Variants in ENPP2 observed in about 807,000 individuals in gnomAD.
ENPP2 encodes the protein autotaxin.
A neutral mutation model predicts 120.2 loss-of-function variants in ENPP2; 51 were observed. The observed-to-expected ratio is 0.42, with a 90% CI of 0.34 to 0.54. ENPP2 has a LOEUF of 0.54. ENPP2 is among the 20% of genes least tolerant of loss of function. The pLI is 0.04. For synonymous variants in ENPP2, 365 were observed against 366.4 expected (o/e 1.00, Z 0.04); for missense variants, 920 against 1,066.5 (o/e 0.86, Z 1.91).
chr8:119,644,586 A>AT (rs1817374358), intron 1 of ENPP2, among the ~76,000 whole-genome samples: 1 of 83,328 alleles, frequency 1.2e-5, no homozygotes, highest in Non-Finnish European at 2.3e-5. Flanking sequence ...GAGATTACTA[A>AT]AATATATATA....
chr8:119,626,566 T>G lies in ENPP2; in HGVS notation c.291A>C (p.Thr97=), dbSNP rs749541517. 2 of 1,613,586 alleles carry G rather than the reference T, an allele frequency of 1.2e-6. No individual in the cohort carries two copies. Among genetic ancestry groups the G allele is most frequent in the Admixed American group, 3.3e-5 (2 of 60,004 alleles). Residue 97 remains threonine (T), a splice_region_variant and synonymous_variant, in exon 3 of 25, where the codon ACA becomes ACC. Coordinates refer to ENST00000075322, the MANE Select transcript of ENPP2 (RefSeq NM_001040092.3). ...AGAGAGGACTCATAAGTTACGTACC[T>G]GTCTTCAAACACAGCTCATCAAAGT... ...CHDFDELCLK[T]ARGWECTKDR... is the part of the protein sequence containing the mutation.
chr8:119,568,813 C>T (rs1244566670), intron 21 of ENPP2, among the ~76,000 whole-genome samples: 1 of 152,092 alleles, frequency 6.6e-6, no homozygotes, highest in African/African-American at 2.4e-5. Flanking sequence ...TGTCCAGGCT[C>T]ATCTCGAACT....
intron 20 of ENPP2, among the ~76,000 whole-genome samples, chr8:119,570,311 G>T (rs1814859367): frequency 6.7e-6 from 1 of 149,352 alleles, no homozygotes; most frequent in African/African-American, 2.5e-5. Flanking sequence ...GATAGTGGGG[G>T]AGGTTGAAGG....
intron 11 of ENPP2, among the ~76,000 whole-genome samples, chr8:119,598,052 T>C (rs1272843846): frequency 2.0e-5 from 3 of 152,198 alleles, no homozygotes; most frequent in Admixed American, 6.5e-5. Flanking sequence ...GTATAATAAG[T>C]GTAAATGATG....
Position 119,657,743 on chromosome 8 carries a change from T to C in ENPP2, c.21+15509A>G, listed in dbSNP as rs74463497. Among the ~76,000 whole-genome samples, 1,040 of 152,304 alleles carry C rather than the reference T, an allele frequency of 6.8e-3. 7 individuals carry two copies. Among genetic ancestry groups the C allele is most frequent in the African/African-American group, 0.024 (1,006 of 41,556 alleles). ...TGTGTTTGTCTAGGAATGAAAGGAATCAACAAGTGGGATGTACATGCCCTG... is the reference window on the plus strand; with the variant it reads ...TGTGTTTGTCTAGGAATGAAAGGAACCAACAAGTGGGATGTACATGCCCTG... On this transcript the variant is annotated intron_variant, in intron 1 of 25. Coordinates refer to the ENPP2 transcript ENST00000427067.
At position 119,562,981 on chromosome 8, in the gene ENPP2, G is replaced by T; in HGVS notation, c.2297C>A (p.Thr766Asn). 2 of 1,614,086 alleles carry T rather than the reference G, an allele frequency of 1.2e-6. No individual in the cohort carries two copies. Among genetic ancestry groups the T allele is most frequent in the South Asian group, 2.2e-5 (2 of 91,060 alleles). ...YVEGSSIPVP[T>N]HYYSIITSCL... ...GCTGGTGATGATGCTGTAGTAGTGA[G>T]TTGGAACAGGAATGGAACTGCCTTC... Residue 766 changes from threonine to asparagine, a missense_variant, in exon 24 of 25, where the codon ACT becomes AAT. Transcript: ENST00000075322.
intron 1 of ENPP2, among the ~76,000 whole-genome samples, chr8:119,665,990 A>T (rs148908858): frequency 6.6e-6 from 1 of 152,232 alleles, no homozygotes; most frequent in Admixed American, 6.5e-5. Context: ...AGGCAGCTAC[A>T]TCTAGAATAC....
intron 15 of ENPP2, among the ~76,000 whole-genome samples, chr8:119,585,459 C>T (rs113432436): frequency 0.036 from 5,472 of 152,196 alleles, 269 homozygotes; most frequent in African/African-American, 0.11. Flanking sequence ...AACTAGTACC[C>T]AGCTAGAGTA....
At position 119,563,126 on chromosome 8, in the gene ENPP2, A is replaced by G. The variant is rs1587320118; in HGVS notation, c.2265-113T>C. 2.3e-5 allele frequency: 19 copies of G among 841,076 alleles called. No individual in the cohort carries two copies. In the South Asian group the frequency reaches 3.0e-4, roughly 13 times the overall value. 52.1% of individuals were successfully genotyped at this position (841,076 alleles called of 1,614,324 possible). On this transcript the variant is annotated intron_variant, in intron 23 of 24. Transcript: ENST00000075322. ...AGTCACTAAAATTAATCCCCATTCA[A>G]TTGAATCATTTTTCACTTCTAAGCA... is the stretch of plus-strand genomic sequence containing the variant.
At chr8:119,583,855 C>G (rs1221714616) in intron 16 of ENPP2, 51 bp from the exon 17 acceptor site, 2 of 1,389,240 alleles carry the variant, frequency 1.4e-6, no homozygotes, top group Admixed American at 3.4e-5. Context: ...TAGGTAGGAA[C>G]CCTTCCTCTA....
chr8:119,570,278 G>GAAA (rs575977847), intron 20 of ENPP2, among the ~76,000 whole-genome samples: 9,877 of 76,626 alleles, frequency 0.13, 534 homozygotes, highest in South Asian at 0.19. Flanking sequence ...CAAAACATTA[G>GAAA]AAAAAAAAAA....
chr8:119,587,204 T>G (rs1224601118), intron 13 of ENPP2, 129 bp from the exon 14 acceptor site: 4 of 776,646 alleles, frequency 5.2e-6, no homozygotes, highest in Non-Finnish European at 8.6e-6. Flanking sequence ...GTGTTTTGTT[T>G]GAAAGATAAA....
rs58061193 is a variant in ENPP2, at chr8:119,590,995, T to TAAAAAAAA, written c.1082-373_1082-366dup. Among the ~76,000 whole-genome samples, 150 of 109,938 alleles carry TAAAAAAAA rather than the reference T, an allele frequency of 1.4e-3. 2 individuals carry two copies. Among genetic ancestry groups the TAAAAAAAA allele is most frequent in the Non-Finnish European group, 2.1e-3 (121 of 56,478 alleles). The allele number at this position is 109,938 out of a possible 152,430, so 72.1% of individuals were successfully genotyped here. On this transcript the variant is annotated intron_variant, in intron 12 of 24. Coordinates refer to ENST00000075322, the MANE Select transcript of ENPP2 (RefSeq NM_001040092.3). ...GTCTTTATGAAAAAGATCTATTCTT[T>TAAAAAAAA]AAAAAAAAAAAAAAAAAAAAACCCT...
chr8:119,638,644 C>T (rs1334532857), intron 1 of ENPP2, 104 bp downstream of exon 1: 8 of 995,758 alleles, frequency 8.0e-6, no homozygotes, highest in Admixed American at 1.7e-5. Flanking sequence ...TTCCAAAATG[C>T]ATAATAAGGT....
At chr8:119,634,406 G>T (rs1816875718) in intron 2 of ENPP2, among the ~76,000 whole-genome samples, 1 of 152,078 alleles carries the variant, frequency 6.6e-6, no homozygotes, top group African/African-American at 2.4e-5. Context: ...ACAATAAAAT[G>T]TTGTCATTTA....
chr8:119,624,428 T>G (rs7823839), intron 3 of ENPP2, among the ~76,000 whole-genome samples: 3,266 of 152,232 alleles, frequency 0.021, 91 homozygotes, highest in African/African-American at 0.065. Flanking sequence ...CCTTGTGTCC[T>G]TTAGTAGAAA....
At chr8:119,639,503 T>A (rs141654864), upstream of ENPP2, among the ~76,000 whole-genome samples, 1 of 152,296 alleles carries the variant, frequency 6.6e-6, no homozygotes, top group African/African-American at 2.4e-5. Flanking sequence ...ATACTGGAAA[T>A]GCCAGCCACG....
At chr8:119,658,413 G>A (rs1173871557) in intron 1 of ENPP2, among the ~76,000 whole-genome samples, 1 of 152,224 alleles carries the variant, frequency 6.6e-6, no homozygotes, top group Non-Finnish European at 1.5e-5. Context: ...TAGGACTACA[G>A]ACATGTGCCA....
At chr8:119,562,005 T>C (rs1051244819) in intron 24 of ENPP2, among the ~76,000 whole-genome samples, 2 of 151,780 alleles carry the variant, frequency 1.3e-5, no homozygotes, top group African/African-American at 2.4e-5. Flanking sequence ...TGCGTGGTGG[T>C]GGGCGCCTAT....
Sources: gnomAD v4.1 joint callset for allele counts (sites outside exome capture counted in the v4.1 genomes callset) on GRCh38, gnomAD v4.1.1 for gene constraint, MANE v1.5 for transcripts, NCBI Gene and HGNC (gene_info 2026-07-23, HGNC 2026-07-21) for gene names.